ADGRL3: variants seen among roughly 807,000 people sequenced by gnomAD.
The protein encoded by ADGRL3 is adhesion G protein-coupled receptor L3, also known as calcium-independent alpha-latrotoxin receptor 3.
Under a neutral mutation model 153.5 loss-of-function variants are expected in ADGRL3, and 62 were observed. The observed-to-expected ratio is 0.40, with a 90% CI of 0.33 to 0.50. The LOEUF is 0.50. Among genes scored for constraint, ADGRL3 ranks in the 20% least tolerant of loss-of-function variants. ADGRL3 has a pLI of 0.47. For missense variants in ADGRL3, 1,641 were observed against 1,859.4 expected, an observed-to-expected ratio of 0.88 and a Z score of 2.16; for synonymous variants, 710 against 672.5, an observed-to-expected ratio of 1.06 and a Z score of -0.86.
chr4:61,358,360 G>A (rs1306897723), intron 1 of ADGRL3, among the ~76,000 whole-genome samples: 1 of 152,048 alleles, frequency 6.6e-6, no homozygotes, highest in Admixed American at 6.5e-5. Context: ...CACTTTGGGA[G>A]GCCAAGGTGG....
At chr4:61,544,463 C>G (rs1001650962) in intron 4 of ADGRL3, among the ~76,000 whole-genome samples, 2 of 152,118 alleles carry the variant, frequency 1.3e-5, no homozygotes, top group Non-Finnish European at 2.9e-5. Flanking sequence ...GGTAAGTAAG[C>G]CTTTGCCATT....
At chr4:61,969,463 C>A (rs2099018881) in intron 17 of ADGRL3, among the ~76,000 whole-genome samples, 1 of 151,998 alleles carries the variant, frequency 6.6e-6, no homozygotes, top group Non-Finnish European at 1.5e-5. Flanking sequence ...TCTCCCTAAT[C>A]TAGATCCATG....
chr4:61,984,572 A>G (rs2099079185), intron 19 of ADGRL3, among the ~76,000 whole-genome samples: 1 of 152,214 alleles, frequency 6.6e-6, no homozygotes, highest in Non-Finnish European at 1.5e-5. Flanking sequence ...ATCTCTAAGA[A>G]GCAAAACAAA....
Position 61,893,920 on chromosome 4 carries a change from A to G in ADGRL3, c.1783+962A>G, listed in dbSNP as rs563850050. Among the ~76,000 whole-genome samples, 3 of 152,070 alleles carry G rather than the reference A, an allele frequency of 2.0e-5. 1 individual carries two copies. In the South Asian group the frequency reaches 6.2e-4, roughly 32 times the overall value. On this transcript the variant is annotated intron_variant, in intron 10 of 26. Coordinates refer to ENST00000683033, the MANE Select transcript of ADGRL3 (RefSeq NM_001387552.1). ...GGAGACAGGTTTCGCCATGTTGTCCAGGCTAGTCTCAAACTCCTGACCTCA... is the reference window on the plus strand; with the variant it reads ...GGAGACAGGTTTCGCCATGTTGTCCGGGCTAGTCTCAAACTCCTGACCTCA...
At chr4:61,719,688 G>A (rs1044432658) in intron 6 of ADGRL3, among the ~76,000 whole-genome samples, 3 of 144,998 alleles carry the variant, frequency 2.1e-5, no homozygotes, top group Non-Finnish European at 4.5e-5. Context: ...TGCAACCTCC[G>A]CCTCCCAGAT....
intron 8 of ADGRL3, among the ~76,000 whole-genome samples, chr4:61,789,287 G>T (rs1413909015): frequency 6.6e-6 from 1 of 152,058 alleles, no homozygotes; most frequent in African/African-American, 2.4e-5. Context: ...CTGTGTGTGT[G>T]TGTGTGTGTG....
At position 61,909,582 on chromosome 4, in the gene ADGRL3, C is replaced by T. The variant is rs1256917303; in HGVS notation, c.1910C>T (p.Ala637Val). Reference sequence around the variant, plus strand: ...TAGTTGAAATCTGGTGAAACAGCTGCCAACATTGCTAGAGAGCTGGCTGAA... The same window carrying T: ...TAGTTGAAATCTGGTGAAACAGCTGTCAACATTGCTAGAGAGCTGGCTGAA... ...TQKLKSGETA[A>V]NIARELAEQT... Residue 637 changes from alanine to valine, a missense_variant, in exon 12 of 27, where the codon GCC becomes GTC. By Grantham distance (64) the Ala-to-Val change is moderately conservative (BLOSUM62 0). Coordinates refer to ENST00000683033, the MANE Select transcript of ADGRL3 (RefSeq NM_001387552.1). 1 of 1,612,552 alleles carries T rather than the reference C, an allele frequency of 6.2e-7. No homozygotes were observed. The highest frequency in any genetic ancestry group is 2.2e-5 in the East Asian group (1 of 44,768).
intron 4 of ADGRL3, among the ~76,000 whole-genome samples, chr4:61,535,588 T>A (rs182047127): frequency 6.6e-6 from 1 of 151,958 alleles, no homozygotes; most frequent in African/African-American, 2.4e-5. Flanking sequence ...TGTTGGTAGT[T>A]TTTTTTACTA....
chr4:61,257,836 G>GGGGTGTGT (rs1553886092), intron 1 of ADGRL3, among the ~76,000 whole-genome samples: 1 of 150,528 alleles, frequency 6.6e-6, no homozygotes, highest in Non-Finnish European at 1.5e-5. Context: ...TTGAATTAGA[G>GGGGTGTGT]GTGTGTGTGT....
chr4:61,737,156 C>T (rs1359684644), intron 8 of ADGRL3, among the ~76,000 whole-genome samples: 1 of 151,906 alleles, frequency 6.6e-6, no homozygotes, highest in African/African-American at 2.4e-5. Flanking sequence ...TGTACAGAAA[C>T]CCTCAACTTA....
chr4:61,482,775 A>C (rs1440988432), intron 2 of ADGRL3, among the ~76,000 whole-genome samples: 1 of 152,172 alleles, frequency 6.6e-6, no homozygotes. Flanking sequence ...ATTTAAAAGT[A>C]GTCTTTGTCA....
At chr4:61,830,823 G>A (rs1045070652) in intron 9 of ADGRL3, among the ~76,000 whole-genome samples, 1 of 152,156 alleles carries the variant, frequency 6.6e-6, no homozygotes, top group Non-Finnish European at 1.5e-5. Flanking sequence ...AAAGGAGATC[G>A]TGTCTGTGTC....
intron 1 of ADGRL3, among the ~76,000 whole-genome samples, chr4:61,228,100 C>T (rs148120376): frequency 6.6e-6 from 1 of 152,222 alleles, no homozygotes; most frequent in African/African-American, 2.4e-5. Context: ...ACCAGCGTTT[C>T]CATTAATGTA....
chr4:61,846,682 AG>A (rs2149073031), intron 9 of ADGRL3, among the ~76,000 whole-genome samples: 1 of 152,202 alleles, frequency 6.6e-6, no homozygotes, highest in East Asian at 1.9e-4. Flanking sequence ...TAAAGAAAAG[AG>A]GTTTAATTGG....
chr4:61,915,277 T>A (rs1420576936), intron 13 of ADGRL3, among the ~76,000 whole-genome samples: 1 of 147,570 alleles, frequency 6.8e-6, no homozygotes, highest in African/African-American at 2.5e-5. Context: ...TCTGTATATA[T>A]AAATATATAT....
chr4:61,272,122 T>G (rs1283968540), intron 1 of ADGRL3, among the ~76,000 whole-genome samples: 3 of 151,904 alleles, frequency 2.0e-5, no homozygotes, highest in Non-Finnish European at 1.5e-5. Context: ...TTTCTCTAAG[T>G]TGTAGTTTCT....
intron 5 of ADGRL3, among the ~76,000 whole-genome samples, chr4:61,674,037 A>G (rs2095098197): frequency 6.6e-6 from 1 of 151,384 alleles, no homozygotes; most frequent in Non-Finnish European, 1.5e-5. Flanking sequence ...TCACAATGGT[A>G]ACTAATATTT....
chr4:61,527,406 A>G (rs939040072), intron 4 of ADGRL3, among the ~76,000 whole-genome samples: 1 of 152,166 alleles, frequency 6.6e-6, no homozygotes, highest in Non-Finnish European at 1.5e-5. Context: ...AGAAACAGCT[A>G]TAGCAACATA....
At chr4:61,759,014 G>T (rs6839656) in intron 8 of ADGRL3, among the ~76,000 whole-genome samples, 1 of 152,034 alleles carries the variant, frequency 6.6e-6, no homozygotes, top group Non-Finnish European at 1.5e-5. Flanking sequence ...GGCCCCCACT[G>T]TCTTCTGGCT....
Sources: allele counts gnomAD v4.1 joint callset (sites outside exome capture counted in the v4.1 genomes callset), GRCh38; gene constraint gnomAD v4.1.1; transcripts MANE v1.5; gene names NCBI Gene and HGNC (gene_info 2026-07-23, HGNC 2026-07-21).